Variants in DNAH3 observed in about 807,000 individuals in gnomAD.
DNAH3 encodes dynein axonemal heavy chain 3.
In DNAH3, 332 loss-of-function variants were observed where a neutral mutation model predicts 432.5. The observed-to-expected ratio is 0.77, with a 90% CI of 0.70 to 0.84. The LOEUF is 0.84. Among genes scored for constraint, DNAH3 ranks in the 40% least tolerant of loss-of-function variants. The probability of loss-of-function intolerance (pLI) is 0.00; values close to 1 mark genes in which losing one functional copy is unlikely to be tolerated. For synonymous variants in DNAH3, 1,956 were observed against 1,900.2 expected (o/e 1.03, Z -0.76); for missense variants, 4,861 against 5,114.0 (o/e 0.95, Z 1.51).
intron 57 of DNAH3, among the ~76,000 whole-genome samples, chr16:20,945,498 T>A (rs1476870054): frequency 7.0e-6 from 1 of 142,662 alleles, no homozygotes; most frequent in Non-Finnish European, 1.5e-5. Context: ...TTCCTTTACT[T>A]TTTTTTTTTT....
intron 58 of DNAH3, among the ~76,000 whole-genome samples, chr16:20,941,910 T>C (rs913247159): frequency 1.3e-5 from 2 of 151,694 alleles, no homozygotes; most frequent in Admixed American, 1.3e-4. Flanking sequence ...ATACAAAAAT[T>C]AGCCATTAGC....
chr16:21,125,587 G>T (rs1048772576), intron 8 of DNAH3, among the ~76,000 whole-genome samples: 4 of 152,292 alleles, frequency 2.6e-5, no homozygotes, highest in East Asian at 3.9e-4. Context: ...TTCTTCCATT[G>T]AGAATACCCA....
chr16:21,089,147 C>G (rs558944637), intron 18 of DNAH3, among the ~76,000 whole-genome samples: 4 of 152,306 alleles, frequency 2.6e-5, no homozygotes, highest in African/African-American at 9.6e-5. Flanking sequence ...GTTTCTGAGT[C>G]AGGTCTGGAG....
Position 21,049,890 on chromosome 16 carries a change from G to T in DNAH3, c.4347+20C>A. ...GAGAGGGCCTGGAAGAGAGGGAGGGGATAGATGGCATTTGCTTACCTGCTT... is the reference window on the plus strand; with the variant it reads ...GAGAGGGCCTGGAAGAGAGGGAGGGTATAGATGGCATTTGCTTACCTGCTT... On this transcript the variant is annotated intron_variant, in intron 30 of 61. Coordinates refer to ENST00000261383, the Ensembl canonical transcript of DNAH3. 1.3e-6 allele frequency: 2 copies of T among 1,587,272 alleles called. No homozygotes were observed. Among genetic ancestry groups the T allele is most frequent in the Non-Finnish European group, 1.7e-6 (2 of 1,155,590 alleles).
At chr16:21,097,621 G>A in intron 17 of DNAH3, 122 bp from the exon 18 acceptor site, 2 of 1,203,028 alleles carry the variant, frequency 1.7e-6, no homozygotes, top group South Asian at 1.3e-5. Context: ...TTCATCTGGA[G>A]AGTAAGAGAG....
intron 52 of DNAH3, among the ~76,000 whole-genome samples, chr16:20,966,769 C>G (rs2085082950): frequency 6.6e-6 from 1 of 152,112 alleles, no homozygotes; most frequent in African/African-American, 2.4e-5. Context: ...TTGGATGGAG[C>G]CCAATCAGTC....
intron 54 of DNAH3, among the ~76,000 whole-genome samples, chr16:20,956,970 G>C (rs991893292): frequency 2.0e-5 from 3 of 152,136 alleles, no homozygotes; most frequent in Non-Finnish European, 4.4e-5. Flanking sequence ...TGATCCGCCT[G>C]CCTTGACCTC....
chr16:21,017,817 C>A (rs2087936260), intron 41 of DNAH3, among the ~76,000 whole-genome samples: 1 of 152,046 alleles, frequency 6.6e-6, no homozygotes, highest in South Asian at 2.1e-4. Context: ...TATCTACTTG[C>A]TCATTCATTA....
chr16:21,034,470 G>C (rs1176956394), intron 35 of DNAH3, among the ~76,000 whole-genome samples: 1 of 152,144 alleles, frequency 6.6e-6, no homozygotes, highest in Non-Finnish European at 1.5e-5. Context: ...TGCAGACAGG[G>C]CTATTTGACT....
chr16:21,106,856 A>G (rs2091959676), intron 14 of DNAH3, among the ~76,000 whole-genome samples, 182 bp from the exon 15 acceptor site: 1 of 152,112 alleles, frequency 6.6e-6, no homozygotes, highest in Admixed American at 6.6e-5. Context: ...CATGCACACT[A>G]AACTCCAGGA....
At chr16:21,155,621 C>CAA (rs369001374) in intron 1 of DNAH3, among the ~76,000 whole-genome samples, 1,684 of 75,278 alleles carry the variant, frequency 0.022, 66 homozygotes, top group African/African-American at 0.056. Flanking sequence ...GACTCCGTCT[C>CAA]AAAAAAAAAA....
intron 26 of DNAH3, 76 bp from the exon 27 acceptor site, chr16:21,058,272 A>G (rs2090206390): frequency 2.6e-6 from 2 of 774,140 alleles, no homozygotes; most frequent in South Asian, 1.6e-5. Context: ...ACATGCCCCA[A>G]CCACCTCACC....
intron 48 of DNAH3, among the ~76,000 whole-genome samples, chr16:20,983,221 G>A (rs9925267): frequency 0.28 from 42,049 of 152,046 alleles, 6,431 homozygotes; most frequent in South Asian, 0.46. Flanking sequence ...CGCCTCCTGG[G>A]TTCAAGCTAT....
At chr16:20,987,984 A>G (rs889199344) in exon 45 of DNAH3, 4 of 1,614,116 alleles carry the variant, frequency 2.5e-6, no homozygotes, top group Admixed American at 1.7e-5. Context: ...GTGCCAGTCA[A>G]CAATCGAACT....
At chr16:21,078,378 T>A (rs2091055109) in intron 20 of DNAH3, among the ~76,000 whole-genome samples, 1 of 151,498 alleles carries the variant, frequency 6.6e-6, no homozygotes, top group South Asian at 2.1e-4. Context: ...ATTTAGCCTC[T>A]AGAAGGGAGG....
At chr16:21,140,573 T>C (rs780822272) in exon 5 of DNAH3, 1 of 1,614,080 alleles carries the variant, frequency 6.2e-7, no homozygotes, top group South Asian at 1.1e-5. Flanking sequence ...TTCTTTACTT[T>C]CCATTTCCAT....
chr16:21,134,536 A>C (rs1279032699), intron 6 of DNAH3, 82 bp from the exon 8 acceptor site: 16 of 1,350,724 alleles, frequency 1.2e-5, no homozygotes, highest in Non-Finnish European at 1.6e-5. Context: ...TTTTGTTTTT[A>C]ATATAGAGAC....
chr16:21,024,173 G>A (rs1294597259), intron 39 of DNAH3, among the ~76,000 whole-genome samples: 1 of 152,158 alleles, frequency 6.6e-6, no homozygotes, highest in Non-Finnish European at 1.5e-5. Flanking sequence ...CTCCCTCAAG[G>A]TGGGAGGTGC....
exon 35 of DNAH3, chr16:21,036,723 T>C (rs1365927759): frequency 6.2e-7 from 1 of 1,613,826 alleles, no homozygotes; most frequent in African/African-American, 1.3e-5. Flanking sequence ...CCTGGATAAT[T>C]TTCCCTATAA....
Sources: allele counts gnomAD v4.1 joint callset (sites outside exome capture counted in the v4.1 genomes callset), GRCh38; gene constraint gnomAD v4.1.1; transcripts MANE v1.5; gene names NCBI Gene and HGNC (gene_info 2026-07-23, HGNC 2026-07-21).